TEX2: variants seen among roughly 807,000 people sequenced by gnomAD.
TEX2 encodes the protein testis-expressed protein 2.
In TEX2, 53 loss-of-function variants were observed where a neutral mutation model predicts 106.9. The ratio of observed to expected loss-of-function variants is 0.50; its 90% confidence interval spans 0.40 to 0.62. TEX2 has a LOEUF of 0.62. TEX2 is among the 20% of genes least tolerant of loss of function. TEX2 has a pLI of 0.00. For missense variants in TEX2, 1,207 were observed against 1,379.0 expected, an observed-to-expected ratio of 0.88 and a Z score of 1.98; for synonymous variants, 523 against 534.8, an observed-to-expected ratio of 0.98 and a Z score of 0.30.
chr17:64,203,559 G>A (rs2032737965), intron 2 of TEX2, among the ~76,000 whole-genome samples: 1 of 152,126 alleles, frequency 6.6e-6, no homozygotes, highest in Non-Finnish European at 1.5e-5. Flanking sequence ...ATAGATCATG[G>A]AGTTTGAGAA....
Position 64,160,721 on chromosome 17 carries a change from A to G in TEX2, c.2804+80T>C, listed in dbSNP as rs928729618. Reference sequence around the variant, plus strand: ...ACTCAACATCCAGGGGCCACTACACATCAAATCTGCTTCTCAAAGGCTGGA... The same window carrying G: ...ACTCAACATCCAGGGGCCACTACACGTCAAATCTGCTTCTCAAAGGCTGGA... On this transcript the variant is annotated intron_variant, in intron 8 of 11. Coordinates refer to ENST00000584379, the MANE Select transcript of TEX2 (RefSeq NM_001288732.2). 2.0e-5 allele frequency: 31 copies of G among 1,562,732 alleles called. No individual in the cohort carries two copies. The African/African-American group carries it at 4.1e-4, about 21-fold the overall frequency.
At chr17:64,206,671 C>T (rs868973013) in intron 2 of TEX2, among the ~76,000 whole-genome samples, 2 of 149,974 alleles carry the variant, frequency 1.3e-5, no homozygotes, top group African/African-American at 4.9e-5. Flanking sequence ...TCAAGCAATT[C>T]GCCTGCCTCA....
intron 1 of TEX2, among the ~76,000 whole-genome samples, chr17:64,241,040 C>T (rs900896248): frequency 1.3e-5 from 2 of 152,198 alleles, no homozygotes; most frequent in Non-Finnish European, 2.9e-5. Flanking sequence ...GGCCAACAGC[C>T]GCAATCCTTC....
intron 3 of TEX2, among the ~76,000 whole-genome samples, chr17:64,194,382 G>A (rs1035076404): frequency 1.3e-5 from 2 of 152,172 alleles, no homozygotes; most frequent in African/African-American, 4.8e-5. Flanking sequence ...CAGATGAACT[G>A]TAAGAACAGA....
chr17:64,171,979 CAAAAA>C (rs11322413), intron 6 of TEX2, among the ~76,000 whole-genome samples: 4 of 133,302 alleles, frequency 3.0e-5, no homozygotes, highest in Non-Finnish European at 1.6e-5. Flanking sequence ...GACTCTGCGT[CAAAAA>C]AAAAAAAAAA....
At chr17:64,207,910 G>A (rs1435849411) in intron 2 of TEX2, among the ~76,000 whole-genome samples, 2 of 151,750 alleles carry the variant, frequency 1.3e-5, no homozygotes, top group Non-Finnish European at 2.9e-5. Flanking sequence ...TAATTTTTTT[G>A]TATTTTTAGT....
intron 5 of TEX2, among the ~76,000 whole-genome samples, chr17:64,181,919 T>C (rs761191108): frequency 6.6e-6 from 1 of 151,914 alleles, no homozygotes; most frequent in African/African-American, 2.4e-5. Context: ...AGTATTGCGG[T>C]TCCTTAAACA....
Position 64,177,485 on chromosome 17 carries a change from A to G in TEX2, c.2425-14T>C, listed in dbSNP as rs766811762. On this transcript the variant is annotated splice_polypyrimidine_tract_variant and intron_variant, in intron 5 of 11. Coordinates refer to ENST00000584379, the MANE Select transcript of TEX2 (RefSeq NM_001288732.2). ...AACCTCTGGCAACTGGCAAAAGAAA[A>G]GGGACCAAAATTAGCTAGAAAGCAA... 27 of 1,609,844 alleles carry G rather than the reference A, an allele frequency of 1.7e-5. 1 individual carries two copies. The highest frequency in any genetic ancestry group is 4.2e-6 in the Non-Finnish European group (5 of 1,178,902).
chr17:64,216,934 C>A (rs1598192894), intron 1 of TEX2, among the ~76,000 whole-genome samples: 1 of 152,166 alleles, frequency 6.6e-6, no homozygotes, highest in East Asian at 1.9e-4. Flanking sequence ...CCAGGGCTCA[C>A]TCAGACAGTG....
chr17:64,159,632 C>T (rs1258282711), intron 8 of TEX2, among the ~76,000 whole-genome samples: 1 of 151,940 alleles, frequency 6.6e-6, no homozygotes, highest in Non-Finnish European at 1.5e-5. Flanking sequence ...CACATGGGAC[C>T]GAACAAGACT....
intron 2 of TEX2, among the ~76,000 whole-genome samples, chr17:64,198,333 A>C (rs1480313215): frequency 6.6e-6 from 1 of 150,702 alleles, no homozygotes; most frequent in Admixed American, 6.7e-5. Flanking sequence ...CCAGGGCTAA[A>C]GTTCTAAAGG....
intron 4 of TEX2, among the ~76,000 whole-genome samples, chr17:64,192,082 C>T (rs771437996): frequency 7.2e-5 from 11 of 152,140 alleles, no homozygotes; most frequent in Admixed American, 3.3e-4. Context: ...TGGTGGCTAC[C>T]GTAAGAAGCA....
chr17:64,257,983 C>T (rs936520626), intron 1 of TEX2, among the ~76,000 whole-genome samples: 1 of 151,526 alleles, frequency 6.6e-6, no homozygotes, highest in African/African-American at 2.4e-5. Flanking sequence ...GCAATCTTGG[C>T]TCACTGCAAC....
intron 7 of TEX2, among the ~76,000 whole-genome samples, chr17:64,165,142 T>C (rs2143689742): frequency 6.6e-6 from 1 of 152,344 alleles, no homozygotes; most frequent in East Asian, 1.9e-4. Flanking sequence ...ATGGAACATT[T>C]GATAACATTA....
intron 1 of TEX2, among the ~76,000 whole-genome samples, chr17:64,240,848 A>G (rs782368064): frequency 2.0e-5 from 3 of 152,194 alleles, no homozygotes; most frequent in Admixed American, 6.5e-5. Flanking sequence ...CTGTACAAAC[A>G]CTGATTATTA....
In TEX2 at chr17:64,217,888, G is replaced by A. The variant is rs180775322; in HGVS notation, c.-25-3646C>T. Among the ~76,000 whole-genome samples the A allele has an allele frequency of 1.8e-4, 28 of 152,252 alleles. No individual in the cohort carries two copies. Among genetic ancestry groups the A allele is most frequent in the African/African-American group, 6.5e-4 (27 of 41,534 alleles). ...GCCAGGCTCCCATAGGTATGATTTC[G>A]TGCTGGAGAGGTGTTTAAGCAAAAG... On this transcript the variant is annotated intron_variant, in intron 1 of 11. Transcript: ENST00000584379. This position sits in a 1 kb window ranked among gnomAD's most constrained non-coding sequence, Gnocchi z 4.3.
chr17:64,171,703 G>A (rs2031407213), intron 6 of TEX2, among the ~76,000 whole-genome samples: 1 of 152,204 alleles, frequency 6.6e-6, no homozygotes, highest in South Asian at 2.1e-4. Context: ...ACAAGGTCAG[G>A]TGCGGTGGCT....
At position 64,213,017 on chromosome 17, in the gene TEX2, C is replaced by T; in HGVS notation, c.1201G>A (p.Val401Ile). 6.2e-7 allele frequency: 1 copy of T among 1,614,240 alleles called. No individual in the cohort carries two copies. Among genetic ancestry groups the T allele is most frequent in the Non-Finnish European group, 8.5e-7 (1 of 1,180,042 alleles). Residue 401 changes from valine to isoleucine, a missense_variant, in exon 2 of 12, where the codon GTT becomes ATT. By Grantham distance (29) the Val-to-Ile change is conservative. Coordinates refer to ENST00000584379, the MANE Select transcript of TEX2 (RefSeq NM_001288732.2). The surrounding 1 kb of genome is among the most constrained non-coding windows in gnomAD (Gnocchi z 4.4). ...KDLGLKTSSL[V>I]LEKCSLSALV... ...GCAGACAAAGAACATTTCTCCAGAA[C>T]TAGAGAACTTGTCTTCAGGCCTAAA...
At chr17:64,161,185 T>G (rs763465857) in intron 7 of TEX2, among the ~76,000 whole-genome samples, 4 of 152,108 alleles carry the variant, frequency 2.6e-5, no homozygotes, top group Non-Finnish European at 4.4e-5. Context: ...GGGAATTCAG[T>G]GCACAAGTCA....
Sources: allele counts gnomAD v4.1 joint callset (sites outside exome capture counted in the v4.1 genomes callset), GRCh38; gene constraint gnomAD v4.1.1; non-coding constraint Gnocchi (gnomAD v3.1); transcripts MANE v1.5; gene names NCBI Gene and HGNC (gene_info 2026-07-23, HGNC 2026-07-21).